SNX29: variants seen among roughly 807,000 people sequenced by gnomAD.
SNX29 encodes sorting nexin 29.
Under a neutral mutation model 102.1 loss-of-function variants are expected in SNX29, and 78 were observed. The ratio of observed to expected loss-of-function variants is 0.76; its 90% CI spans 0.64 to 0.92. The LOEUF (loss-of-function observed/expected upper bound fraction) is 0.92. Among genes scored for constraint, SNX29 ranks in the 40% least tolerant of loss-of-function variants. The pLI, the probability that SNX29 is intolerant of heterozygous loss-of-function variation, is 0.00. For synonymous variants in SNX29, 580 were observed against 414.5 expected (o/e 1.40, Z -4.85); for missense variants, 1,280 against 1,061.7 (o/e 1.21, Z -2.86).
intron 20 of SNX29, among the ~76,000 whole-genome samples, chr16:12,556,157 C>A (rs775391814): frequency 6.6e-6 from 1 of 152,096 alleles, no homozygotes; most frequent in East Asian, 1.9e-4. Context: ...GGTTAAATCG[C>A]TTTGTCGCCA....
intron 13 of SNX29, among the ~76,000 whole-genome samples, chr16:12,156,925 C>T (rs894097154): frequency 4.6e-5 from 7 of 152,060 alleles, no homozygotes; most frequent in African/African-American, 1.2e-4. Flanking sequence ...GTGGGCCTGC[C>T]GGGTGGCTGG....
At chr16:12,337,992 AG>A (rs1365020179) in intron 15 of SNX29, among the ~76,000 whole-genome samples, 1 of 152,150 alleles carries the variant, frequency 6.6e-6, no homozygotes, top group Non-Finnish European at 1.5e-5. Context: ...GGTTGAATCC[AG>A]GTTCTCTTCA....
intron 20 of SNX29, among the ~76,000 whole-genome samples, chr16:12,563,479 G>C (rs1280136946): frequency 6.6e-6 from 1 of 152,212 alleles, no homozygotes; most frequent in Non-Finnish European, 1.5e-5. Context: ...AAAGGCTCAA[G>C]GAATAGGGCT....
At chr16:12,059,311 C>T (rs747877098) in intron 8 of SNX29, among the ~76,000 whole-genome samples, 2 of 152,224 alleles carry the variant, frequency 1.3e-5, no homozygotes, top group African/African-American at 2.4e-5. Context: ...CCTCTGGGTG[C>T]CGGCTCCGTG....
chr16:12,559,373 A>AT (rs1450739704), intron 20 of SNX29, among the ~76,000 whole-genome samples: 1 of 150,916 alleles, frequency 6.6e-6, no homozygotes, highest in Non-Finnish European at 1.5e-5. Flanking sequence ...ATGCCTGATG[A>AT]TCTCTCACCC....
At position 12,231,959 on chromosome 16, in the gene SNX29, T is replaced by C. The variant is rs150013198; in HGVS notation, c.1678+32276T>C. 7.2e-5 allele frequency among the ~76,000 whole-genome samples: 11 copies of C among 152,354 alleles called. No homozygotes were observed. In the East Asian group the frequency reaches 1.7e-3, roughly 24 times the overall value. ...TTGGCCTATGTGTTTCAGGGGTTTT[T>C]CCTCTGGGTTATGTGAGGACTTGGT... On this transcript the variant is annotated intron_variant, in intron 14 of 20. Transcript: ENST00000566228.
intron 13 of SNX29, among the ~76,000 whole-genome samples, chr16:12,168,524 G>A (rs1438245401): frequency 1.3e-5 from 2 of 152,076 alleles, no homozygotes; most frequent in African/African-American, 2.4e-5. Context: ...TACATACCTC[G>A]CCCCAGCTAG....
At chr16:12,535,646 A>G (rs1324542170) in intron 20 of SNX29, among the ~76,000 whole-genome samples, 1 of 152,156 alleles carries the variant, frequency 6.6e-6, no homozygotes, top group Non-Finnish European at 1.5e-5. Context: ...CTTACAGAGC[A>G]GTCTTGAATA....
At chr16:12,566,230 C>T (rs755745709) in intron 20 of SNX29, among the ~76,000 whole-genome samples, 12 of 152,202 alleles carry the variant, frequency 7.9e-5, no homozygotes, top group Non-Finnish European at 1.5e-4. Context: ...GGTTGTCATC[C>T]CCAAATGACA....
chr16:12,558,097 G>A (rs1471856065), intron 20 of SNX29, among the ~76,000 whole-genome samples: 9 of 152,180 alleles, frequency 5.9e-5, no homozygotes, highest in Admixed American at 6.5e-5. Flanking sequence ...AAGTGGGGAC[G>A]GGGCAACTGA....
chr16:12,559,002 T>TG (rs1284348380), intron 20 of SNX29, among the ~76,000 whole-genome samples: 2 of 152,144 alleles, frequency 1.3e-5, no homozygotes, highest in African/African-American at 4.8e-5. Flanking sequence ...TACACAGTTA[T>TG]GGGGGAGAGA....
chr16:12,374,069 A>G (rs78586976), intron 16 of SNX29, among the ~76,000 whole-genome samples: 14,003 of 152,220 alleles, frequency 0.092, 1,377 homozygotes, highest in African/African-American at 0.24. Context: ...TGGCTAGCAG[A>G]GGTTTGGCCC....
chr16:12,087,877 T>C (rs2052287684), intron 11 of SNX29: 1 of 456,854 alleles, frequency 2.2e-6, no homozygotes. Flanking sequence ...TTGTGTTCGA[T>C]AGGCTAAGCT....
chr16:12,055,448 C>G (rs2050481019), intron 8 of SNX29, among the ~76,000 whole-genome samples: 1 of 152,008 alleles, frequency 6.6e-6, no homozygotes, highest in South Asian at 2.1e-4. Flanking sequence ...CCAGGCTGGT[C>G]TCAAACTCCT....
At chr16:12,453,398 C>T (rs1246189045) in intron 18 of SNX29, among the ~76,000 whole-genome samples, 1 of 152,186 alleles carries the variant, frequency 6.6e-6, no homozygotes, top group African/African-American at 2.4e-5. Flanking sequence ...GGCGGTGTGA[C>T]CCTGGGCACA....
intron 18 of SNX29, among the ~76,000 whole-genome samples, chr16:12,407,245 T>C (rs2084202677): frequency 6.6e-6 from 1 of 152,194 alleles, no homozygotes; most frequent in Non-Finnish European, 1.5e-5. Context: ...TTACCTCTCA[T>C]GTCCCTCTGA....
intron 4 of SNX29, among the ~76,000 whole-genome samples, chr16:12,028,811 C>T (rs979872537): frequency 2.6e-5 from 4 of 151,992 alleles, no homozygotes; most frequent in African/African-American, 9.7e-5. Context: ...TGCAATGGCA[C>T]CGTCTTGGCT....
At chr16:12,558,089 G>A (rs1047747339) in intron 20 of SNX29, among the ~76,000 whole-genome samples, 1 of 152,222 alleles carries the variant, frequency 6.6e-6, no homozygotes, top group Non-Finnish European at 1.5e-5. Context: ...CCCATGCAAA[G>A]TGGGGACGGG....
At chr16:12,551,106 T>C (rs1277812107) in intron 20 of SNX29, among the ~76,000 whole-genome samples, 4 of 152,120 alleles carry the variant, frequency 2.6e-5, no homozygotes, top group Non-Finnish European at 5.9e-5. Flanking sequence ...GGATGAAATC[T>C]GGTGTGAAAT....
Sources: allele counts gnomAD v4.1 joint callset (sites outside exome capture counted in the v4.1 genomes callset), GRCh38; gene constraint gnomAD v4.1.1; transcripts MANE v1.5; gene names NCBI Gene and HGNC (gene_info 2026-07-23, HGNC 2026-07-21).